Variants in PDLIM1 observed in about 807,000 individuals in gnomAD.
The protein encoded by PDLIM1 is PDZ and LIM domain protein 1.
In PDLIM1, 25 loss-of-function variants were observed where a neutral mutation model predicts 35.2. The ratio of observed to expected loss-of-function variants is 0.71; its 90% CI spans 0.52 to 0.99. The LOEUF (loss-of-function observed/expected upper bound fraction) is 0.99. PDLIM1 is among the 50% of genes least tolerant of loss of function. PDLIM1 has a pLI of 0.00. For missense variants in PDLIM1, 363 were observed against 415.3 expected (o/e 0.87, Z 1.09); for synonymous variants, 152 against 154.0 (o/e 0.99, Z 0.10).
At chr10:95,269,229 C>T (rs1440468266) in intron 2 of PDLIM1, among the ~76,000 whole-genome samples, 2 of 152,188 alleles carry the variant, frequency 1.3e-5, no homozygotes, top group Non-Finnish European at 2.9e-5. Flanking sequence ...GTGTTTGGTC[C>T]AGACCAAATA....
chr10:95,264,059 A>C lies in PDLIM1; in HGVS notation c.338T>G (p.Val113Gly). Residue 113 changes from valine to glycine, a missense_variant, in exon 4 of 7, where the codon GTC becomes GGC. Coordinates refer to ENST00000329399, the MANE Select transcript of PDLIM1 (RefSeq NM_020992.4). ...GTTGTGGGCGCTTCCTATGTGCAGG[A>C]CCTCCTGCAGGCAGGGATCAGAGGA... ...KMNLASEPQE[V>G]LHIGSAHNRS... 6.2e-7 allele frequency: 1 copy of C among 1,613,054 alleles called. No homozygotes were observed. Among genetic ancestry groups the C allele is most frequent in the Non-Finnish European group, 8.5e-7 (1 of 1,179,644 alleles).
At chr10:95,289,340 ATTCTGGGGAAGGCACAGTTCCTGCGC>A (rs1363864817) in intron 1 of PDLIM1, among the ~76,000 whole-genome samples, 3 of 152,204 alleles carry the variant, frequency 2.0e-5, no homozygotes, top group Non-Finnish European at 2.9e-5. Context: ...CTCGGGGACG[ATTCTGGGGAAGGCACAGTTCCTGCGC>A]TTGAGGAATT....
In PDLIM1 at chr10:95,237,900, G is replaced by A. The variant is rs758215047; in HGVS notation, c.*25C>T. ...AAAAAGCTGCAGCAGAGGCCTGCTG[G>A]AGAACAGTGGTCAGATCTGCTGGCT... On this transcript the variant is annotated 3_prime_UTR_variant, in exon 7 of 7. Coordinates refer to ENST00000329399, the MANE Select transcript of PDLIM1 (RefSeq NM_020992.4). The A allele has an allele frequency of 6.2e-7, 1 of 1,603,806 alleles. No individual in the cohort carries two copies. Among genetic ancestry groups the A allele is most frequent in the South Asian group, 1.1e-5 (1 of 90,164 alleles).
At position 95,237,839 on chromosome 10, in the gene PDLIM1, A is replaced by T; in HGVS notation, c.*86T>A. ...AGAGGGAAAACCAAAGTAAGCAGAG[A>T]ACTTTCAAGAGAGGAGAGGGCCAGA... On this transcript the variant is annotated 3_prime_UTR_variant, in exon 7 of 7. Coordinates refer to ENST00000329399, the MANE Select transcript of PDLIM1 (RefSeq NM_020992.4). The T allele has an allele frequency of 8.5e-7, 1 of 1,179,580 alleles. No homozygotes were observed. Among genetic ancestry groups the T allele is most frequent in the Non-Finnish European group, 1.2e-6 (1 of 830,950 alleles). The allele number at this position is 1,179,580 out of a possible 1,614,324, so 73.1% of individuals were successfully genotyped here.
At chr10:95,269,180 C>T (rs1300590004) in intron 2 of PDLIM1, among the ~76,000 whole-genome samples, 3 of 152,246 alleles carry the variant, frequency 2.0e-5, no homozygotes, top group African/African-American at 7.2e-5. Context: ...CCTATCTCTG[C>T]TCAGGATAGA....
chr10:95,261,330 T>C (rs560736337), intron 4 of PDLIM1, among the ~76,000 whole-genome samples: 3 of 152,348 alleles, frequency 2.0e-5, no homozygotes, highest in East Asian at 1.9e-4. Flanking sequence ...TCATGGAATA[T>C]TCCACTCTGG....
intron 3 of PDLIM1, among the ~76,000 whole-genome samples, chr10:95,265,710 T>C (rs2035409669): frequency 6.7e-6 from 1 of 149,022 alleles, no homozygotes; most frequent in African/African-American, 2.5e-5. Context: ...AGCCTAGGAG[T>C]TCGAAACCAG....
At chr10:95,263,721 G>C (rs1482881671) in intron 4 of PDLIM1, 143 bp downstream of exon 4, 7 of 611,844 alleles carry the variant, frequency 1.1e-5, no homozygotes, top group Non-Finnish European at 2.0e-5. Flanking sequence ...TGTAGATGAA[G>C]AAAATGAACA....
At chr10:95,239,198 T>A (rs1263486022) in intron 5 of PDLIM1, among the ~76,000 whole-genome samples, 2 of 152,046 alleles carry the variant, frequency 1.3e-5, no homozygotes, top group Non-Finnish European at 2.9e-5. Flanking sequence ...AAAAATCAGC[T>A]CAAGATGGAT....
At chr10:95,257,031 A>AAAGAAAGAAAGAAAGAAAGG (rs2035321084) in intron 4 of PDLIM1, among the ~76,000 whole-genome samples, 1 of 150,462 alleles carries the variant, frequency 6.6e-6, no homozygotes, top group African/African-American at 2.4e-5. Flanking sequence ...AGAAAGAAAG[A>AAAGAAAGAAAGAAAGAAAGG]AAGAAAGAAT....
chr10:95,284,453 G>A (rs1011211699), intron 1 of PDLIM1, among the ~76,000 whole-genome samples: 1 of 151,918 alleles, frequency 6.6e-6, no homozygotes, highest in Non-Finnish European at 1.5e-5. Flanking sequence ...TCCCAAGTTA[G>A]AGCAATTCTC....
intron 4 of PDLIM1, among the ~76,000 whole-genome samples, chr10:95,259,853 G>C (rs2025589687): frequency 6.6e-6 from 1 of 152,160 alleles, no homozygotes; most frequent in Admixed American, 6.5e-5. Flanking sequence ...ATTATCTAGG[G>C]CCTAGTATGT....
chr10:95,248,183 C>T (rs1331278820), intron 4 of PDLIM1, among the ~76,000 whole-genome samples: 2 of 152,244 alleles, frequency 1.3e-5, no homozygotes, highest in Non-Finnish European at 2.9e-5. Context: ...CCCCACCTCC[C>T]CCAGGTCCAA....
At chr10:95,289,365 G>A (rs1038518608) in intron 1 of PDLIM1, among the ~76,000 whole-genome samples, 8 of 152,168 alleles carry the variant, frequency 5.3e-5, no homozygotes, top group African/African-American at 1.7e-4. Flanking sequence ...CAGTTCCTGC[G>A]CTTGAGGAAT....
chr10:95,268,428 G>A (rs543509034), intron 3 of PDLIM1, among the ~76,000 whole-genome samples: 81 of 152,254 alleles, frequency 5.3e-4, no homozygotes, highest in African/African-American at 1.8e-3. Context: ...TTTCATCCCT[G>A]TCATGATTCA....
At chr10:95,249,571 G>A (rs1465599329) in intron 4 of PDLIM1, among the ~76,000 whole-genome samples, 1 of 152,162 alleles carries the variant, frequency 6.6e-6, no homozygotes, top group Non-Finnish European at 1.5e-5. Flanking sequence ...ACTTTCACAG[G>A]TGCAAATGAA....
At chr10:95,289,989 G>A (rs2035637761) in intron 1 of PDLIM1, among the ~76,000 whole-genome samples, 1 of 152,216 alleles carries the variant, frequency 6.6e-6, no homozygotes, top group Admixed American at 6.5e-5. Context: ...CTCCCTGGGG[G>A]TTTCACTTTA....
chr10:95,268,924 C>G, intron 2 of PDLIM1, 62 bp from the exon 3 acceptor site: 2 of 1,233,570 alleles, frequency 1.6e-6, no homozygotes, highest in Non-Finnish European at 2.4e-6. Flanking sequence ...ATACCAAAGA[C>G]AAACTGGAAA....
chr10:95,240,116 G>A (rs7910217), intron 5 of PDLIM1, among the ~76,000 whole-genome samples: 41,992 of 152,068 alleles, frequency 0.28, 6,087 homozygotes, highest in Admixed American at 0.34. Context: ...ATACCATTCA[G>A]CCCAGCAATC....
Sources: allele counts gnomAD v4.1 joint callset (sites outside exome capture counted in the v4.1 genomes callset), GRCh38; gene constraint gnomAD v4.1.1; transcripts MANE v1.5; gene names NCBI Gene and HGNC (gene_info 2026-07-23, HGNC 2026-07-21).